The following NME9 variants were observed in gnomAD, a reference collection of about 807,000 sequenced individuals.
The protein encoded by NME9 is thioredoxin domain-containing protein 6.
A neutral mutation model predicts 44.4 loss-of-function variants in NME9; 48 were observed. The ratio of observed to expected loss-of-function variants is 1.08; its 90% confidence interval spans 0.86 to 1.37. The LOEUF is 1.37. Ranked by LOEUF, NME9 falls within the 40% of genes most tolerant of loss-of-function variation. NME9 has a pLI of 0.00. For missense variants in NME9, 325 were observed against 405.2 expected, an observed-to-expected ratio of 0.80 and a Z score of 1.70; for synonymous variants, 139 against 147.1, an observed-to-expected ratio of 0.94 and a Z score of 0.40.
At chr3:138,299,919 C>T (rs2051753146), downstream of NME9, among the ~76,000 whole-genome samples, 1 of 152,180 alleles carries the variant, frequency 6.6e-6, no homozygotes, top group Non-Finnish European at 1.5e-5. Flanking sequence ...TGGGTGCACC[C>T]CCTCCAAGTA....
rs55961241 is a variant in NME9, at chr3:138,324,693, T to TACACACAC, written c.91+172_91+179dup. Reference sequence around the variant, plus strand: ...TGAATTTACTGATATTCAAGCCAGATACACACACACACACACACACACACA... The same window carrying TACACACAC: ...TGAATTTACTGATATTCAAGCCAGATACACACACACACACACACACACACACACACACA... On this transcript the variant is annotated intron_variant, in intron 2 of 10. Transcript: ENST00000333911. 5.1e-4 allele frequency: 274 copies of TACACACAC among 534,608 alleles called. 1 individual carries two copies. Among genetic ancestry groups the TACACACAC allele is most frequent in the African/African-American group, 5.1e-3 (244 of 48,050 alleles). 33.1% of individuals were successfully genotyped at this position (534,608 alleles called of 1,614,324 possible).
intron 8 of NME9, chr3:138,274,422 A>G (rs369825555): frequency 1.1e-5 from 16 of 1,444,058 alleles, no homozygotes; most frequent in Non-Finnish European, 1.4e-5. Context: ...TTTCTTTGAT[A>G]ATTATGGATT....
intron 8 of NME9, among the ~76,000 whole-genome samples, chr3:138,278,710 T>G (rs2049559404): frequency 6.6e-6 from 1 of 152,210 alleles, no homozygotes; most frequent in African/African-American, 2.4e-5. Context: ...CCCAATTATT[T>G]AGGTCTTCTT....
Position 138,284,341 on chromosome 3 carries a change from C to T in NME9, c.745+19166G>A, listed in dbSNP as rs2050204729. 3.4e-5 allele frequency: 31 copies of T among 911,914 alleles called. 1 individual carries two copies. In the South Asian group the frequency reaches 4.4e-4, roughly 13 times the overall value. The allele number at this position is 911,914 out of a possible 1,614,324, so 56.5% of individuals were successfully genotyped here. A position where few individuals can be genotyped will look rare whatever the true frequency, so the allele number is the denominator to read the frequency against. On this transcript the variant is annotated intron_variant, in intron 8 of 8. Coordinates refer to the NME9 transcript ENST00000317876. Reference sequence around the variant, plus strand: ...GTGGAACCTGTGAGAATCCATGTACCTTCAAGTGAAAAATTGCCCAAGCTC... The same window carrying T: ...GTGGAACCTGTGAGAATCCATGTACTTTCAAGTGAAAAATTGCCCAAGCTC...
chr3:138,319,242 A>C (rs2053305795), intron 3 of NME9, among the ~76,000 whole-genome samples: 2 of 152,284 alleles, frequency 1.3e-5, no homozygotes, highest in South Asian at 4.1e-4. Context: ...TCTTCTCTTC[A>C]TACAGCACCA....
At position 138,264,462 on chromosome 3, in the gene NME9, C is replaced by T. The variant is rs2048068702; in HGVS notation, c.746-1876G>A. 3.2e-5 allele frequency among the ~76,000 whole-genome samples: 4 copies of T among 125,138 alleles called. No individual in the cohort carries two copies. The South Asian group carries it at 8.1e-4, about 25-fold the overall frequency. 82.1% of individuals were successfully genotyped at this position (125,138 alleles called of 152,430 possible). Reference sequence around the variant, plus strand: ...TGAGATGTAGTCTAGCTCTGTCACCCAGGCTGGAGTGCAGTGGCATGATCT... The same window carrying T: ...TGAGATGTAGTCTAGCTCTGTCACCTAGGCTGGAGTGCAGTGGCATGATCT... On this transcript the variant is annotated intron_variant, in intron 8 of 8. Coordinates refer to the NME9 transcript ENST00000317876.
intron 8 of NME9, among the ~76,000 whole-genome samples, chr3:138,266,879 G>A (rs1197386141): frequency 6.6e-6 from 1 of 152,082 alleles, no homozygotes; most frequent in African/African-American, 2.4e-5. Flanking sequence ...TTTCACATAA[G>A]AGTATCTTCC....
chr3:138,287,166 C>T lies in NME9; in HGVS notation c.745+16341G>A, dbSNP rs1285132575. Among the ~76,000 whole-genome samples, 3 of 152,184 alleles carry T rather than the reference C, an allele frequency of 2.0e-5. No homozygotes were observed. In the East Asian group the frequency reaches 5.8e-4, roughly 29 times the overall value. On this transcript the variant is annotated intron_variant, in intron 8 of 8. Transcript: ENST00000317876. ...TAAAAATGTAAATCAGATCTTGTCCCTCCACTGTTTAAATCTTTCAGGGGC... is the reference window on the plus strand; with the variant it reads ...TAAAAATGTAAATCAGATCTTGTCCTTCCACTGTTTAAATCTTTCAGGGGC...
chr3:138,306,552 C>T (rs1370891043), intron 6 of NME9, 72 bp from the exon 7 acceptor site: 6 of 895,770 alleles, frequency 6.7e-6, no homozygotes, highest in African/African-American at 1.7e-5. Flanking sequence ...AAAAACAATG[C>T]AACCTCTACA....
At chr3:138,305,799 TAGAG>T (rs1364362943) in intron 8 of NME9, among the ~76,000 whole-genome samples, 4 of 152,358 alleles carry the variant, frequency 2.6e-5, no homozygotes, top group South Asian at 4.1e-4. Context: ...ATTCATTTCT[TAGAG>T]AGAAAACCTT....
chr3:138,294,255 T>G, intron 8 of NME9, among the ~76,000 whole-genome samples: 1 of 152,230 alleles, frequency 6.6e-6, no homozygotes, highest in Non-Finnish European at 1.5e-5. Flanking sequence ...GACTTTCAGA[T>G]GCTTACAGAT....
At position 138,295,754 on chromosome 3, in the gene NME9, A is replaced by G; in HGVS notation, c.745+7753T>C. 3 of 1,315,026 alleles carry G rather than the reference A, an allele frequency of 2.3e-6. No individual in the cohort carries two copies. In the East Asian group the frequency reaches 7.2e-5, roughly 31 times the overall value. The allele number at this position is 1,315,026 out of a possible 1,614,324, so 81.5% of individuals were successfully genotyped here. A position where few individuals can be genotyped will look rare whatever the true frequency, so the allele number is the denominator to read the frequency against. ...CTGGGCTCACCCCAATTCCCTCTGGAGATTTACTTTTTTAGACTTCCCCAG... is the reference window on the plus strand; with the variant it reads ...CTGGGCTCACCCCAATTCCCTCTGGGGATTTACTTTTTTAGACTTCCCCAG... On this transcript the variant is annotated intron_variant, in intron 8 of 8. Transcript: ENST00000317876.
At chr3:138,321,571 A>G (rs564913130) in intron 2 of NME9, among the ~76,000 whole-genome samples, 2 of 152,184 alleles carry the variant, frequency 1.3e-5, no homozygotes, top group Non-Finnish European at 2.9e-5. Context: ...CAAATTTTAA[A>G]TCCTGTGTTG....
chr3:138,327,152 CTG>C (rs2053847790), intron 1 of NME9: 1 of 135,284 alleles, frequency 7.4e-6, no homozygotes, highest in Admixed American at 7.5e-5. Context: ...CAGAATGAAA[CTG>C]TCTCAAAAAA....
chr3:138,311,675 A>C (rs1440291068), intron 6 of NME9, among the ~76,000 whole-genome samples: 1 of 152,202 alleles, frequency 6.6e-6, no homozygotes, highest in Non-Finnish European at 1.5e-5. Flanking sequence ...AAAACCATTC[A>C]ATAAAATTTG....
chr3:138,302,462 C>G (rs933129468), intron 10 of NME9, among the ~76,000 whole-genome samples: 1 of 152,172 alleles, frequency 6.6e-6, no homozygotes, highest in South Asian at 2.1e-4. Context: ...CCCCACAACC[C>G]TGGACACATA....
downstream of NME9, chr3:138,298,518 G>A (rs1385318994): frequency 2.6e-5 from 4 of 152,194 alleles, no homozygotes; most frequent in Non-Finnish European, 4.4e-5. Flanking sequence ...GTGGGACCCA[G>A]TGCCTTAAGG....
intron 8 of NME9, chr3:138,263,597 G>A (rs766203838): frequency 6.2e-5 from 46 of 743,864 alleles, no homozygotes; most frequent in Non-Finnish European, 8.9e-5. Context: ...CGCCCCCAGC[G>A]CAAGATGATT....
At chr3:138,299,328 G>A (rs1235494075), downstream of NME9, among the ~76,000 whole-genome samples, 1 of 152,142 alleles carries the variant, frequency 6.6e-6, no homozygotes, top group Non-Finnish European at 1.5e-5. Flanking sequence ...CTGAGTGGAG[G>A]TCCAGAGCCA....
Sources: gnomAD v4.1 joint callset for allele counts (sites outside exome capture counted in the v4.1 genomes callset) on GRCh38, gnomAD v4.1.1 for gene constraint, MANE v1.5 for transcripts, NCBI Gene and HGNC (gene_info 2026-07-23, HGNC 2026-07-21) for gene names.